The following FGF12 variants were observed in gnomAD, a reference collection of about 807,000 sequenced individuals.
The protein encoded by FGF12 is fibroblast growth factor 12B.
A neutral mutation model predicts 23.6 loss-of-function variants in FGF12; 14 were observed. That is an observed-to-expected ratio of 0.59 (90% CI 0.39 to 0.93). The LOEUF (loss-of-function observed/expected upper bound fraction) is 0.93. Ranked by LOEUF, FGF12 falls within the 40% of genes least tolerant of loss-of-function variation. The pLI is 0.00. For missense variants in FGF12, 175 were observed against 217.8 expected (o/e 0.80, Z 1.24); for synonymous variants, 62 against 77.3 (o/e 0.80, Z 1.04).
intron 2 of FGF12, among the ~76,000 whole-genome samples, chr3:192,479,786 A>G (rs936358690): frequency 2.0e-5 from 3 of 152,158 alleles, no homozygotes; most frequent in African/African-American, 7.2e-5. Flanking sequence ...CATCCCCTAG[A>G]ATATTAAGAA....
chr3:192,708,615 A>T (rs1197023051), intron 2 of FGF12, among the ~76,000 whole-genome samples: 3 of 152,198 alleles, frequency 2.0e-5, no homozygotes, highest in Admixed American at 6.5e-5. Context: ...TACAAAGAAG[A>T]AGACAGCCCT....
intron 2 of FGF12, among the ~76,000 whole-genome samples, chr3:192,367,734 G>A (rs557916572): frequency 6.6e-5 from 10 of 152,284 alleles, no homozygotes; most frequent in African/African-American, 2.4e-4. Context: ...CAGACCTGGA[G>A]GAACACCTTC....
chr3:192,626,576 T>G (rs1016749590), intron 2 of FGF12, among the ~76,000 whole-genome samples: 1 of 152,116 alleles, frequency 6.6e-6, no homozygotes, highest in Non-Finnish European at 1.5e-5. Flanking sequence ...TAAGAAGGAA[T>G]AAGTTAAACG....
chr3:192,160,572 C>A (rs1714811623), intron 5 of FGF12, among the ~76,000 whole-genome samples: 1 of 152,098 alleles, frequency 6.6e-6, no homozygotes, highest in African/African-American at 2.4e-5. Context: ...TTTCTTGGAA[C>A]TAATCTCTAG....
intron 4 of FGF12, among the ~76,000 whole-genome samples, chr3:192,282,068 CGTAA>C (rs1714176804): frequency 6.6e-6 from 1 of 152,090 alleles, no homozygotes; most frequent in African/African-American, 2.4e-5. Context: ...GAAGAACATT[CGTAA>C]GTGATAGGTG....
intron 4 of FGF12, among the ~76,000 whole-genome samples, chr3:192,300,616 AATGTT>A (rs1258631178): frequency 6.7e-6 from 1 of 149,972 alleles, no homozygotes; most frequent in African/African-American, 2.5e-5. Flanking sequence ...TTTTCTTTAT[AATGTT>A]ATGTATTTTT....
At chr3:192,334,724 A>T (rs1030205388) in intron 4 of FGF12, among the ~76,000 whole-genome samples, 1 of 152,162 alleles carries the variant, frequency 6.6e-6, no homozygotes, top group African/African-American at 2.4e-5. Flanking sequence ...CAACATGCTC[A>T]TTTGAAAAGT....
chr3:192,384,282 C>A (rs1203130152), intron 2 of FGF12, among the ~76,000 whole-genome samples: 1 of 151,898 alleles, frequency 6.6e-6, no homozygotes, highest in Non-Finnish European at 1.5e-5. Flanking sequence ...GGTTAAAAAT[C>A]AAAAAGAAGA....
At chr3:192,469,176 C>A (rs1004297975) in intron 2 of FGF12, among the ~76,000 whole-genome samples, 1 of 152,170 alleles carries the variant, frequency 6.6e-6, no homozygotes, top group Non-Finnish European at 1.5e-5. Flanking sequence ...CCCAGCGCTG[C>A]AATCTAGCAC....
At chr3:192,235,188 G>T (rs1719222576) in intron 4 of FGF12, among the ~76,000 whole-genome samples, 1 of 152,040 alleles carries the variant, frequency 6.6e-6, no homozygotes, top group African/African-American at 2.4e-5. Context: ...TTTTTAGTTT[G>T]TATGTTGTTT....
intron 4 of FGF12, chr3:192,267,231 T>A (rs2108624034): frequency 6.6e-6 from 1 of 152,260 alleles, no homozygotes; most frequent in South Asian, 2.1e-4. Context: ...TTAATGCAAC[T>A]TAGATAACTA....
At chr3:192,261,984 C>T (rs1202466576) in intron 4 of FGF12, among the ~76,000 whole-genome samples, 1 of 152,118 alleles carries the variant, frequency 6.6e-6, no homozygotes, top group African/African-American at 2.4e-5. Context: ...AACAGAGGTG[C>T]CCCCTTAGTA....
intron 4 of FGF12, among the ~76,000 whole-genome samples, chr3:192,234,405 GA>G (rs1405634967): frequency 6.6e-6 from 1 of 152,180 alleles, no homozygotes; most frequent in Non-Finnish European, 1.5e-5. Context: ...AAACTTTACT[GA>G]AGTTGTTTGT....
intron 4 of FGF12, among the ~76,000 whole-genome samples, chr3:192,181,785 C>G (rs1201426503): frequency 6.6e-6 from 1 of 151,928 alleles, no homozygotes; most frequent in Non-Finnish European, 1.5e-5. Flanking sequence ...CATGCACCAC[C>G]ACACCCTGCC....
rs758893576 is a variant in FGF12, at chr3:192,611,984, C to T, written c.13+115197G>A. Among the ~76,000 whole-genome samples the T allele has an allele frequency of 7.2e-5, 11 of 152,104 alleles. No individual in the cohort carries two copies. The East Asian group carries it at 1.2e-3, about 16-fold the overall frequency. On this transcript the variant is annotated intron_variant, in intron 2 of 5. Transcript: ENST00000445105. ...TGAGGGAGATGAGGCAGACATTCTA[C>T]GGAGAGTCATTGATGAGTTCAACCC...
At chr3:192,210,716 C>T (rs145239598) in intron 4 of FGF12, among the ~76,000 whole-genome samples, 19 of 148,962 alleles carry the variant, frequency 1.3e-4, no homozygotes, top group African/African-American at 4.1e-4. Flanking sequence ...TTTACCATCG[C>T]GGAGCTTATA....
At chr3:192,225,507 T>C (rs1293558732) in intron 4 of FGF12, among the ~76,000 whole-genome samples, 2 of 152,114 alleles carry the variant, frequency 1.3e-5, no homozygotes, top group Non-Finnish European at 2.9e-5. Context: ...TCATATGTTG[T>C]TGATGGGAAT....
At chr3:192,308,969 T>C (rs1715799126) in intron 4 of FGF12, among the ~76,000 whole-genome samples, 1 of 152,212 alleles carries the variant, frequency 6.6e-6, no homozygotes, top group Non-Finnish European at 1.5e-5. Flanking sequence ...TTTGTAAATA[T>C]ACAATGTAAA....
At chr3:192,662,193 C>T (rs1273250678) in intron 2 of FGF12, among the ~76,000 whole-genome samples, 1 of 152,168 alleles carries the variant, frequency 6.6e-6, no homozygotes, top group Non-Finnish European at 1.5e-5. Context: ...CGACTGCCTT[C>T]AAAAGAGAGT....
Sources: allele counts gnomAD v4.1 joint callset (sites outside exome capture counted in the v4.1 genomes callset), GRCh38; gene constraint gnomAD v4.1.1; transcripts MANE v1.5; gene names NCBI Gene and HGNC (gene_info 2026-07-23, HGNC 2026-07-21).